TMEM156: variants seen among roughly 807,000 people sequenced by gnomAD.
TMEM156 encodes the protein transmembrane protein 156.
Under a neutral mutation model 30.5 loss-of-function variants are expected in TMEM156, and 28 were observed. That is an observed-to-expected ratio of 0.92 (90% CI 0.68 to 1.26). TMEM156 has a LOEUF of 1.26. Among genes scored for constraint, TMEM156 ranks in the 50% most tolerant of loss-of-function variants. The pLI is 0.00. For missense variants in TMEM156, 351 were observed against 340.6 expected (o/e 1.03, Z -0.24); for synonymous variants, 137 against 119.9 (o/e 1.14, Z -0.93).
rs550624395 is a variant in TMEM156, at chr4:38,986,405, G to C, written c.754C>G (p.Pro252Ala). The C allele has an allele frequency of 5.0e-6, 8 of 1,612,328 alleles. No individual in the cohort carries two copies. The African/African-American group carries it at 8.0e-5, about 16-fold the overall frequency. The change falls in exon 5 of 7, where the codon CCT becomes GCT. Residue 252 changes from proline to alanine, a missense_variant. Physicochemically the swap from Pro to Ala is conservative, Grantham distance 27. Transcript: ENST00000381938. ...VQKWQSHRDK[P>A]TSVLLRGSDS... ...CTTCCTCTTAAGAGAACAGATGTAG[G>C]TTTGTCTCTATGACCTATTCCCAGA...
At position 39,009,426 on chromosome 4, in the gene TMEM156, C is replaced by A. The variant is rs748052315; in HGVS notation, c.89-10517G>T. On this transcript the variant is annotated intron_variant, in intron 1 of 6. Transcript: ENST00000381938. ...ACCAGTATCATCCTGACACCAAGAT[C>A]TAGCAAAGACACAACAAAAAAAGGA... is the stretch of plus-strand genomic sequence containing the variant. Among the ~76,000 whole-genome samples the A allele has an allele frequency of 5.5e-4, 84 of 152,070 alleles. 2 individuals carry two copies. Among genetic ancestry groups the A allele is most frequent in the Non-Finnish European group, 1.3e-4 (9 of 67,988 alleles).
intron 1 of TMEM156, 77 bp downstream of exon 1, chr4:39,032,149 A>C: frequency 1.1e-6 from 1 of 880,588 alleles, no homozygotes; most frequent in Middle Eastern, 3.3e-4. Context: ...CAAAAAGAGG[A>C]TCTTTTCTGT....
chr4:38,998,875 A>G lies in TMEM156; in HGVS notation c.123T>C (p.Cys41=), dbSNP rs1488937681. The G allele has an allele frequency of 6.2e-7, 1 of 1,613,660 alleles. No individual in the cohort carries two copies. The highest frequency in any genetic ancestry group is 8.5e-7 in the Non-Finnish European group (1 of 1,179,876). ...RTLELSCLEV[C]LQSNFTYSLS... ...GTGAATAGGTAAAATTAGATTGCAA[A>G]CACACTTCCAGACATGATAGCTCCA... is the stretch of plus-strand genomic sequence containing the variant. Residue 41 remains cysteine (C), a synonymous_variant, in exon 2 of 7, where the codon TGT becomes TGC. Coordinates refer to ENST00000381938, the MANE Select transcript of TMEM156 (RefSeq NM_024943.3).
At chr4:39,011,717 G>A (rs965319697) in intron 1 of TMEM156, among the ~76,000 whole-genome samples, 2 of 152,096 alleles carry the variant, frequency 1.3e-5, no homozygotes, top group Non-Finnish European at 2.9e-5. Context: ...AGGTTGCAGT[G>A]AGCCGACATC....
chr4:39,011,435 G>A (rs1257064532), intron 1 of TMEM156, among the ~76,000 whole-genome samples: 1 of 150,866 alleles, frequency 6.6e-6, no homozygotes, highest in Non-Finnish European at 1.5e-5. Context: ...CTACCAAAAA[G>A]ACACCTGCAC....
intron 2 of TMEM156, among the ~76,000 whole-genome samples, chr4:38,996,859 T>C (rs755803484): frequency 7.9e-5 from 12 of 152,106 alleles, no homozygotes; most frequent in African/African-American, 2.4e-5. Flanking sequence ...CAATGTCCAT[T>C]GATAAATGAG....
chr4:38,999,934 C>T (rs1453556347), intron 1 of TMEM156, among the ~76,000 whole-genome samples: 2 of 152,136 alleles, frequency 1.3e-5, no homozygotes, highest in Admixed American at 6.6e-5. Context: ...GACAGGTTTC[C>T]AGAATTAGCA....
At chr4:39,031,265 C>T (rs1296481753) in intron 1 of TMEM156, among the ~76,000 whole-genome samples, 3 of 152,158 alleles carry the variant, frequency 2.0e-5, no homozygotes, top group Non-Finnish European at 2.9e-5. Context: ...TTTTCAAGTC[C>T]TTTGCTAACA....
At chr4:39,020,846 C>G (rs1714820222) in intron 1 of TMEM156, among the ~76,000 whole-genome samples, 1 of 152,132 alleles carries the variant, frequency 6.6e-6, no homozygotes, top group Non-Finnish European at 1.5e-5. Flanking sequence ...CCGCACCCAG[C>G]CTAATTTTGA....
intron 1 of TMEM156, among the ~76,000 whole-genome samples, chr4:39,014,146 A>C (rs66484213): frequency 0.093 from 14,147 of 152,228 alleles, 766 homozygotes; most frequent in Admixed American, 0.16. Context: ...TAAACAAAAG[A>C]GGCTGTAAAA....
At chr4:39,001,230 A>T (rs1713331607) in intron 1 of TMEM156, among the ~76,000 whole-genome samples, 1 of 143,528 alleles carries the variant, frequency 7.0e-6, no homozygotes, top group South Asian at 2.3e-4. Context: ...AAAAAAAAAA[A>T]GAAAAAATTA....
At chr4:38,974,178 T>G (rs1722738491) in intron 5 of TMEM156, among the ~76,000 whole-genome samples, 1 of 151,102 alleles carries the variant, frequency 6.6e-6, no homozygotes, top group Non-Finnish European at 1.5e-5. Context: ...GATTTCTCAA[T>G]GATTTATTTA....
chr4:38,986,807 C>CAAAAAAAAAAAAAAAAAAAAAA (rs59087758), intron 4 of TMEM156, among the ~76,000 whole-genome samples: 1 of 23,744 alleles, frequency 4.2e-5, no homozygotes, highest in African/African-American at 1.4e-4. Context: ...GACTCCATCT[C>CAAAAAAAAAAAAAAAAAAAAAA]AAAAAAAAAA....
At chr4:38,969,516 G>C (rs1316089087) in intron 6 of TMEM156, among the ~76,000 whole-genome samples, 1 of 152,204 alleles carries the variant, frequency 6.6e-6, no homozygotes, top group Non-Finnish European at 1.5e-5. Context: ...TTGCTATTGT[G>C]AATAGTGCTA....
At chr4:39,022,253 C>A (rs758176810) in intron 1 of TMEM156, among the ~76,000 whole-genome samples, 1 of 152,196 alleles carries the variant, frequency 6.6e-6, no homozygotes, top group Admixed American at 6.5e-5. Flanking sequence ...TTTTTCCTTT[C>A]TCCACCCATA....
At chr4:39,007,031 C>A (rs13140558) in intron 1 of TMEM156, among the ~76,000 whole-genome samples, 30,724 of 152,102 alleles carry the variant, frequency 0.2, 3,480 homozygotes, top group South Asian at 0.41. Context: ...TATGTATAAC[C>A]AATTACACTA....
intron 1 of TMEM156, among the ~76,000 whole-genome samples, chr4:39,004,467 C>T (rs930924386): frequency 6.6e-6 from 1 of 152,018 alleles, no homozygotes; most frequent in African/African-American, 2.4e-5. Flanking sequence ...GTACCTATCA[C>T]CCAGATTAAG....
intron 3 of TMEM156, among the ~76,000 whole-genome samples, chr4:38,992,327 G>T (rs1247425377): frequency 6.6e-6 from 1 of 151,916 alleles, no homozygotes; most frequent in East Asian, 1.9e-4. Context: ...CTAGCATACA[G>T]CAGGCACTCA....
intron 5 of TMEM156, among the ~76,000 whole-genome samples, chr4:38,976,655 A>C (rs571696628): frequency 6.6e-6 from 1 of 152,322 alleles, no homozygotes; most frequent in Non-Finnish European, 1.5e-5. Flanking sequence ...CAACAACAGA[A>C]AGCTAATAAG....
Sources: allele counts gnomAD v4.1 joint callset (sites outside exome capture counted in the v4.1 genomes callset), GRCh38; gene constraint gnomAD v4.1.1; transcripts MANE v1.5; gene names NCBI Gene and HGNC (gene_info 2026-07-23, HGNC 2026-07-21).